Variants in IPO4 observed in about 807,000 individuals in gnomAD.
IPO4 encodes importin-4.
In IPO4, 91 loss-of-function variants were observed where a neutral mutation model predicts 133.5. The observed-to-expected ratio is 0.68, with a 90% CI of 0.58 to 0.81. The LOEUF is 0.81. Ranked by LOEUF, IPO4 falls within the 30% of genes least tolerant of loss-of-function variation. The pLI is 0.00. For synonymous variants in IPO4, 607 were observed against 581.6 expected (o/e 1.04, Z -0.63); for missense variants, 1,279 against 1,386.2 (o/e 0.92, Z 1.23).
rs201552242 is a variant in IPO4, at chr14:24,186,170, G to A, written c.1018C>T (p.Leu340=). 4.8e-5 allele frequency: 78 copies of A among 1,613,960 alleles called. No homozygotes were observed. In the East Asian group the frequency reaches 1.7e-3, roughly 36 times the overall value. ...TTCTCGGGGGGCAGGTGTAGTGCCA[G>A]CATGTCCACAACCTGAGATGGGATG... ...KHFAVQVVDM[L]ALHLPPEKLC... is the part of the protein sequence containing the mutation. Residue 340 remains leucine (L), a synonymous_variant, in exon 11 of 30, where the codon CTG becomes TTG. Transcript: ENST00000354464.
At chr14:24,183,706 A>C in intron 19 of IPO4, 39 bp from the exon 20 acceptor site, 1 of 1,614,106 alleles carries the variant, frequency 6.2e-7, no homozygotes, top group East Asian at 2.2e-5. Context: ...TCAGGCACCA[A>C]GAGGAGCAGA....
rs200789473 is a variant in IPO4 at position 24,181,710 on chromosome 14, C to T, written c.2940+1G>A. ...CCCTGCCTGATGTCTCCCTCCCTCA[C>T]CTGGGGCTCTGGTTTCCTGGTGGGA... On this transcript the variant is annotated splice_donor_variant, in intron 27 of 29. Coordinates refer to ENST00000354464, the MANE Select transcript of IPO4 (RefSeq NM_024658.4). LOFTEE classifies it high-confidence loss of function. 16 of 1,604,454 alleles carry T rather than the reference C, an allele frequency of 1.0e-5. No homozygotes were observed. The highest frequency in any genetic ancestry group is 2.2e-5 in the East Asian group (1 of 44,798).
chr14:24,183,425 C>A, intron 21 of IPO4, 31 bp downstream of exon 21: 1 of 1,600,162 alleles, frequency 6.2e-7, no homozygotes, highest in East Asian at 2.2e-5. Context: ...AGCCTGAGAA[C>A]CCCACCCACT....
rs1187581957 is a variant in IPO4, at chr14:24,186,371, C to A, written c.921G>T (p.Gln307His). The A allele has an allele frequency of 6.2e-7, 1 of 1,613,240 alleles. No individual in the cohort carries two copies. Among genetic ancestry groups the A allele is most frequent in the African/African-American group, 1.3e-5 (1 of 74,916 alleles). ...CTGAATCCTGGTCCTCGGGATCCAA[C>A]TGGCCTGGTGGGGGCTCAGCAGCCA... ...PIVAAEPPPG[Q>H]LDPEDQDSEE... Residue 307 changes from glutamine to histidine, a missense_variant, in exon 10 of 30, where the codon CAG becomes CAT. By Grantham distance (24) the Gln-to-His change is conservative (BLOSUM62 0). This residue lies in a region of IPO4 where 695 missense variants were observed against 704.1 expected (regional missense o/e 0.99). Coordinates refer to ENST00000354464, the MANE Select transcript of IPO4 (RefSeq NM_024658.4).
At chr14:24,185,761 G>T in intron 12 of IPO4, 100 bp downstream of exon 12, 1 of 1,030,196 alleles carries the variant, frequency 9.7e-7, no homozygotes. Flanking sequence ...ATAATGGGGG[G>T]AAACGCTGTT....
chr14:24,187,617 G>A lies in IPO4; in HGVS notation c.409-38C>T, dbSNP rs774240921. On this transcript the variant is annotated intron_variant, in intron 5 of 29. Coordinates refer to ENST00000354464, the MANE Select transcript of IPO4 (RefSeq NM_024658.4). ...AGAGGATGGGAGAGCAAGCTTACAA[G>A]GTCTATCCAGCCTCTCAGGCCCTCC... 55 of 1,613,768 alleles carry A rather than the reference G, an allele frequency of 3.4e-5. No homozygotes were observed. The Admixed American group carries it at 5.8e-4, about 17-fold the overall frequency.
At position 24,182,355 on chromosome 14, in the gene IPO4, C is replaced by T. The variant is rs561719600; in HGVS notation, c.2521G>A (p.Ala841Thr). 19 of 1,613,676 alleles carry T rather than the reference C, an allele frequency of 1.2e-5. No homozygotes were observed. The highest frequency in any genetic ancestry group is 1.6e-5 in the Non-Finnish European group (19 of 1,179,894). ...LLEHAGEAIP[A>T]LAAAAGGDSF... ...TCTCCCCCAGCCGCGGCTGCCAGGG[C>T]AGGGATGGCCTCTCCAGCGTGCTCC... The change falls in exon 25 of 30, where the codon GCC becomes ACC. Residue 841 changes from alanine (A) to threonine (T), a missense_variant. Physicochemically the swap from Ala to Thr is moderately conservative, Grantham distance 58. Around this residue, in one of 3 missense-constraint regions of IPO4, gnomAD observed 575 missense variants for 653.4 expected, o/e 0.88. Transcript: ENST00000354464.
Position 24,188,789 on chromosome 14 carries a change from G to A in IPO4, c.-2C>T, listed in dbSNP as rs756828127. On this transcript the variant is annotated 5_prime_UTR_variant, in exon 1 of 30. Transcript: ENST00000354464. ...CTGCTCTAGCCCGGCTGACTCCATGGCAGCAACTGAGCCGCCGCTACTGGG... is the reference window on the plus strand; with the variant it reads ...CTGCTCTAGCCCGGCTGACTCCATGACAGCAACTGAGCCGCCGCTACTGGG... 4.7e-6 allele frequency: 7 copies of A among 1,501,040 alleles called. No individual in the cohort carries two copies. Among genetic ancestry groups the A allele is most frequent in the African/African-American group, 1.4e-5 (1 of 71,264 alleles). 93.0% of individuals were successfully genotyped at this position (1,501,040 alleles called of 1,614,324 possible). A position where few individuals can be genotyped will look rare whatever the true frequency, so the allele number is the denominator to read the frequency against.
Position 24,182,994 on chromosome 14 carries a change from C to G in IPO4, c.2403G>C (p.Lys801Asn). ...GRLAELCGVL[K>N]AVLQRKTACQ... Reference sequence around the variant, plus strand: ...TGCTCACCTTCCTCTGCAGCACAGCCTTGAGCACGCCACAGAGCTCAGCGA... The same window carrying G: ...TGCTCACCTTCCTCTGCAGCACAGCGTTGAGCACGCCACAGAGCTCAGCGA... The change falls in exon 23 of 30, where the codon AAG becomes AAC. Residue 801 changes from lysine (K) to asparagine (N), a missense_variant. Lys to Asn is a moderately conservative substitution (Grantham distance 94). Around this residue, in one of 3 missense-constraint regions of IPO4, gnomAD observed 575 missense variants for 653.4 expected, o/e 0.88. Coordinates refer to ENST00000354464, the MANE Select transcript of IPO4 (RefSeq NM_024658.4). 1 of 1,613,668 alleles carries G rather than the reference C, an allele frequency of 6.2e-7. No homozygotes were observed. Among genetic ancestry groups the G allele is most frequent in the Non-Finnish European group, 8.5e-7 (1 of 1,179,802 alleles).
chr14:24,184,962 T>C lies in IPO4; in HGVS notation c.1427A>G (p.Tyr476Cys), dbSNP rs201227572. ...VENLGPKVQP[Y>C]LPELMECMLQ... ...CATGCATTCCATAAGCTCCGGAAGG[T>C]AGGGCTGCACCTTGGGCCCTGTGGG... Residue 476 changes from tyrosine to cysteine, a missense_variant, in exon 15 of 30, where the codon TAC (tyrosine) becomes TGC (cysteine). By Grantham distance (194) the Tyr-to-Cys change is radical. Around this residue, in one of 3 missense-constraint regions of IPO4, gnomAD observed 695 missense variants for 704.1 expected, o/e 0.99. Transcript: ENST00000354464. 4.0e-5 allele frequency: 64 copies of C among 1,613,864 alleles called. No individual in the cohort carries two copies. In the African/African-American group the frequency reaches 7.5e-4, roughly 19 times the overall value.
rs147005860 is a variant in IPO4 at position 24,181,624 on chromosome 14, A to G, written c.2941-7T>C. 23 of 1,614,042 alleles carry G rather than the reference A, an allele frequency of 1.4e-5. No individual in the cohort carries two copies. In the African/African-American group the frequency reaches 2.8e-4, roughly 20 times the overall value. ...GCAGTAGGGCAGCCAGCACCTGGGCACACAAATGTCTCAGGCCAACCTGCC... is the reference window on the plus strand; with the variant it reads ...GCAGTAGGGCAGCCAGCACCTGGGCGCACAAATGTCTCAGGCCAACCTGCC... On this transcript the variant is annotated splice_region_variant and splice_polypyrimidine_tract_variant and intron_variant, in intron 27 of 29. Coordinates refer to ENST00000354464, the MANE Select transcript of IPO4 (RefSeq NM_024658.4).
In IPO4 at chr14:24,182,816, C is replaced by G. The variant is rs766640491; in HGVS notation, c.2448G>C (p.Glu816Asp). The change falls in exon 24 of 30, where the codon GAG (glutamate) becomes GAC (aspartate). Residue 816 changes from glutamate (E) to aspartate (D), a missense_variant. This residue lies in a region of IPO4 where 575 missense variants were observed against 653.4 expected (regional missense o/e 0.88). Transcript: ENST00000354464. Reference protein sequence around the residue: ...RKTACQDTDEEEEEEDDDQAE... With the variant: ...RKTACQDTDEDEEEEDDDQAE... Reference sequence around the variant, plus strand: ...CCTGATCATCATCTTCCTCTTCCTCCTCCTCGTCAGTATCCTGACAGGCTG... The same window carrying G: ...CCTGATCATCATCTTCCTCTTCCTCGTCCTCGTCAGTATCCTGACAGGCTG... 1 of 1,614,172 alleles carries G rather than the reference C, an allele frequency of 6.2e-7. No homozygotes were observed. Among genetic ancestry groups the G allele is most frequent in the South Asian group, 1.1e-5 (1 of 91,088 alleles).
In IPO4 at chr14:24,187,799, G is replaced by A. The variant is rs1439852232; in HGVS notation, c.279-3C>T. On this transcript the variant is annotated splice_region_variant and splice_polypyrimidine_tract_variant and intron_variant, in intron 4 of 29. Transcript: ENST00000354464. ...CCAGGCTGAGGCTCACACAGTGCCT[G>A]CAAACAGGAGAGATCTCCTCCAATC... 1.9e-6 allele frequency: 3 copies of A among 1,614,036 alleles called. No homozygotes were observed. Among genetic ancestry groups the A allele is most frequent in the East Asian group, 4.5e-5 (2 of 44,880 alleles).
rs772239919 is a variant in IPO4 at position 24,180,411 on chromosome 14, T to C, written c.*31A>G. ...GTGGTCTTAAGGCCTGGGCAGGCTCTATTCTCTCTGGACTGGCTGCAGCCT... is the reference window on the plus strand; with the variant it reads ...GTGGTCTTAAGGCCTGGGCAGGCTCCATTCTCTCTGGACTGGCTGCAGCCT... On this transcript the variant is annotated 3_prime_UTR_variant, in exon 30 of 30. Transcript: ENST00000354464. 2.5e-6 allele frequency: 4 copies of C among 1,595,656 alleles called. No individual in the cohort carries two copies. Among genetic ancestry groups the C allele is most frequent in the East Asian group, 4.5e-5 (2 of 44,370 alleles).
rs767731272 is a variant in IPO4, at chr14:24,184,772, T to C, written c.1523-9A>G. On this transcript the variant is annotated splice_polypyrimidine_tract_variant and intron_variant, in intron 15 of 29. Transcript: ENST00000354464. Reference sequence around the variant, plus strand: ...GGCCTGGGCAGCCGTAGCTGCAGGATGGAAGGACAGAATCAGAGCTGGAGA... The same window carrying C: ...GGCCTGGGCAGCCGTAGCTGCAGGACGGAAGGACAGAATCAGAGCTGGAGA... The C allele has an allele frequency of 1.6e-5, 25 of 1,610,568 alleles. No homozygotes were observed. Among genetic ancestry groups the C allele is most frequent in the Non-Finnish European group, 2.0e-5 (23 of 1,177,776 alleles).
At position 24,183,779 on chromosome 14, in the gene IPO4, G is replaced by A. The variant is rs144355803; in HGVS notation, c.1985+4C>T. 2,232 of 1,614,098 alleles carry A rather than the reference G, an allele frequency of 1.4e-3. 16 individuals carry two copies. The African/African-American group carries it at 0.018, about 13-fold the overall frequency. ...TTCCTGATCAGAAGAGCACCCCTCCGCACCCTGAGATCTCTGAGTCATCCT... is the reference window on the plus strand; with the variant it reads ...TTCCTGATCAGAAGAGCACCCCTCCACACCCTGAGATCTCTGAGTCATCCT... On this transcript the variant is annotated splice_donor_region_variant and intron_variant, in intron 19 of 29. Transcript: ENST00000354464.
At chr14:24,182,605 G>C (rs1181404759) in intron 24 of IPO4, 187 bp downstream of exon 24, 1 of 942,142 alleles carries the variant, frequency 1.1e-6, no homozygotes, top group Non-Finnish European at 1.7e-6. Context: ...GCACACCCCA[G>C]TCCACACTGC....
intron 18 of IPO4, 42 bp downstream of exon 18, chr14:24,183,955 AT>A (rs1283587716): frequency 6.2e-7 from 1 of 1,613,074 alleles, no homozygotes; most frequent in Non-Finnish European, 8.5e-7. Context: ...GATAAATCCC[AT>A]TGCAGGGCAG....
At chr14:24,184,464 T>C in intron 16 of IPO4, 46 bp from the exon 17 acceptor site, 1 of 1,583,638 alleles carries the variant, frequency 6.3e-7, no homozygotes, top group Non-Finnish European at 8.6e-7. Context: ...GGAGGTGGGC[T>C]ACGGGACCAA....
Sources: allele counts gnomAD v4.1 joint callset, GRCh38; gene constraint gnomAD v4.1.1; regional missense constraint gnomAD v4.1.1; transcripts MANE v1.5; gene names NCBI Gene and HGNC (gene_info 2026-07-23, HGNC 2026-07-21).